Variants in VPS13B observed in about 807,000 individuals in gnomAD.
VPS13B encodes the protein intermembrane lipid transfer protein VPS13B.
A neutral mutation model predicts 426.4 loss-of-function variants in VPS13B; 285 were observed. That is an observed-to-expected ratio of 0.67 (90% CI 0.61 to 0.74). The LOEUF (loss-of-function observed/expected upper bound fraction) is 0.74, where lower values mean the gene tolerates loss of function less well. Among genes scored for constraint, VPS13B ranks in the 30% least tolerant of loss-of-function variants. VPS13B has a pLI of 0.00. For synonymous variants in VPS13B, 1,676 were observed against 1,676.4 expected, an observed-to-expected ratio of 1.00 and a Z score of 0.01; for missense variants, 4,537 against 4,782.6, an observed-to-expected ratio of 0.95 and a Z score of 1.51.
intron 49 of VPS13B, among the ~76,000 whole-genome samples, chr8:99,820,400 T>C (rs574028266): frequency 1.3e-5 from 2 of 152,306 alleles, no homozygotes; most frequent in South Asian, 4.1e-4. Flanking sequence ...TGACAAGTAT[T>C]TGGGCTGCTC....
intron 19 of VPS13B, among the ~76,000 whole-genome samples, chr8:99,322,077 C>G (rs926688635): frequency 6.6e-6 from 1 of 152,168 alleles, no homozygotes; most frequent in African/African-American, 2.4e-5. Context: ...CCAAAGACCA[C>G]GTGTTCCTTT....
chr8:99,160,236 A>G (rs939785902), intron 15 of VPS13B, among the ~76,000 whole-genome samples: 1 of 152,218 alleles, frequency 6.6e-6, no homozygotes, highest in Admixed American at 6.5e-5. Flanking sequence ...TATACAAACA[A>G]TAACCTCAAA....
chr8:99,756,343 A>G (rs1810642790), intron 39 of VPS13B, among the ~76,000 whole-genome samples: 1 of 152,176 alleles, frequency 6.6e-6, no homozygotes, highest in South Asian at 2.1e-4. Flanking sequence ...AGAAAAATGG[A>G]CAGAGCTTCA....
intron 33 of VPS13B, among the ~76,000 whole-genome samples, chr8:99,598,792 C>G (rs1783527953): frequency 6.6e-6 from 1 of 151,968 alleles, no homozygotes; most frequent in Non-Finnish European, 1.5e-5. Context: ...TTAGCCCTCC[C>G]TTCCCTTCAG....
chr8:99,688,133 C>CTTTTTTTTT (rs1307921649), intron 35 of VPS13B, among the ~76,000 whole-genome samples: 2 of 113,092 alleles, frequency 1.8e-5, no homozygotes, highest in African/African-American at 3.3e-5. Context: ...TCCTTGCTTG[C>CTTTTTTTTT]TTTTTTTTTT....
rs1809996775 is a variant in VPS13B, at chr8:99,134,945, C to G, written c.1303-70C>G. On this transcript the variant is annotated intron_variant, in intron 9 of 61. Transcript: ENST00000357162. ...AAGATGTTTAACTAATTTAGAGATT[C>G]TACAAGGAAAGCCTCTAACATTTTT... 7.6e-6 allele frequency: 12 copies of G among 1,572,140 alleles called. No individual in the cohort carries two copies. In the East Asian group the frequency reaches 2.7e-4, roughly 35 times the overall value.
intron 19 of VPS13B, among the ~76,000 whole-genome samples, chr8:99,374,853 C>A (rs1358934121): frequency 6.6e-6 from 1 of 152,154 alleles, no homozygotes; most frequent in Non-Finnish European, 1.5e-5. Context: ...TCTCCTGATA[C>A]ACCTTCAGAA....
At chr8:99,118,675 A>T (rs1293876705) in intron 7 of VPS13B, among the ~76,000 whole-genome samples, 2 of 152,302 alleles carry the variant, frequency 1.3e-5, no homozygotes, top group Admixed American at 6.5e-5. Context: ...TTCATTAAGC[A>T]TAGTGTGTTT....
chr8:99,413,601 G>C (rs932289137), intron 21 of VPS13B, among the ~76,000 whole-genome samples: 3 of 151,960 alleles, frequency 2.0e-5, no homozygotes, highest in African/African-American at 4.8e-5. Flanking sequence ...CACTGCTTTA[G>C]CTGTATCCCC....
chr8:99,837,798 G>A (rs1177874188), intron 54 of VPS13B, among the ~76,000 whole-genome samples: 1 of 152,216 alleles, frequency 6.6e-6, no homozygotes, highest in African/African-American at 2.4e-5. Context: ...TGTGTCCTCT[G>A]ATGAAAGGAA....
chr8:99,243,302 G>A (rs1182178762), intron 17 of VPS13B, among the ~76,000 whole-genome samples: 1 of 152,154 alleles, frequency 6.6e-6, no homozygotes, highest in Non-Finnish European at 1.5e-5. Context: ...GTAACACACA[G>A]TTGTATGTTA....
chr8:99,431,151 C>T (rs961113397), intron 21 of VPS13B, among the ~76,000 whole-genome samples: 2 of 151,952 alleles, frequency 1.3e-5, no homozygotes, highest in African/African-American at 4.8e-5. Flanking sequence ...CTTTTTCTTC[C>T]AAGAAAAGAT....
chr8:99,738,503 G>C (rs1833934755), intron 39 of VPS13B, among the ~76,000 whole-genome samples: 1 of 152,168 alleles, frequency 6.6e-6, no homozygotes, highest in Non-Finnish European at 1.5e-5. Flanking sequence ...AACACATTAA[G>C]AAAATTCAGA....
chr8:99,213,784 CT>C (rs1267898085), intron 17 of VPS13B, among the ~76,000 whole-genome samples: 2 of 149,890 alleles, frequency 1.3e-5, no homozygotes, highest in Non-Finnish European at 3.0e-5. Flanking sequence ...GCTGACTAAG[CT>C]TTCATCTTGA....
intron 31 of VPS13B, among the ~76,000 whole-genome samples, chr8:99,573,440 A>G (rs1484799395): frequency 2.0e-5 from 3 of 152,176 alleles, no homozygotes; most frequent in African/African-American, 7.2e-5. Context: ...TAGGTCTAAC[A>G]TTTAAGTCTT....
intron 33 of VPS13B, among the ~76,000 whole-genome samples, chr8:99,603,281 T>TGATACATTCCAA (rs1343994794): frequency 6.6e-6 from 1 of 152,170 alleles, no homozygotes; most frequent in Admixed American, 6.5e-5. Context: ...TATCTGTGGG[T>TGATACATTCCAA]GATACATTCC....
At chr8:99,271,285 T>C (rs914355638) in intron 17 of VPS13B, among the ~76,000 whole-genome samples, 1 of 152,090 alleles carries the variant, frequency 6.6e-6, no homozygotes, top group Non-Finnish European at 1.5e-5. Context: ...CATCATTTAA[T>C]TTTCTGAGAT....
At chr8:99,540,048 TA>T (rs1823509197) in intron 30 of VPS13B, among the ~76,000 whole-genome samples, 3 of 5,230 alleles carry the variant, frequency 5.7e-4, no homozygotes, top group Admixed American at 3.3e-3. Flanking sequence ...TATATATATA[TA>T]TATATATATA....
chr8:99,744,129 GA>G (rs544114488), intron 39 of VPS13B, among the ~76,000 whole-genome samples: 1 of 151,398 alleles, frequency 6.6e-6, no homozygotes, highest in African/African-American at 2.4e-5. Context: ...AAATTTACAA[GA>G]AAAAAAACCC....
Sources: allele counts gnomAD v4.1 joint callset (sites outside exome capture counted in the v4.1 genomes callset), GRCh38; gene constraint gnomAD v4.1.1; transcripts MANE v1.5; gene names NCBI Gene and HGNC (gene_info 2026-07-23, HGNC 2026-07-21).